The following GLIS3 variants were observed in gnomAD, a reference collection of about 807,000 sequenced individuals.
The protein encoded by GLIS3 is zinc finger protein GLIS3.
Under a neutral mutation model 78.6 loss-of-function variants are expected in GLIS3, and 53 were observed. That is an observed-to-expected ratio of 0.67 (90% CI 0.54 to 0.85). The LOEUF is 0.85. Among genes scored for constraint, GLIS3 ranks in the 40% least tolerant of loss-of-function variants. GLIS3 has a pLI of 0.00. For missense variants in GLIS3, 1,703 were observed against 1,231.1 expected, an observed-to-expected ratio of 1.38 and a Z score of -5.74; for synonymous variants, 684 against 509.9, an observed-to-expected ratio of 1.34 and a Z score of -4.60.
intron 9 of GLIS3, among the ~76,000 whole-genome samples, chr9:3,843,916 G>C (rs965202119): frequency 2.0e-5 from 3 of 152,142 alleles, no homozygotes; most frequent in Non-Finnish European, 4.4e-5. Context: ...AAAAAATACC[G>C]AAATGTTTTT....
At chr9:4,014,863 C>A (rs1297799686) in intron 4 of GLIS3, among the ~76,000 whole-genome samples, 2 of 152,178 alleles carry the variant, frequency 1.3e-5, no homozygotes, top group Non-Finnish European at 2.9e-5. Context: ...AGAGCTAGGA[C>A]AATTCAACCA....
At chr9:4,365,895 G>A in the GLIS3 span, among the ~76,000 whole-genome samples, 6 of 152,210 alleles carry the variant, frequency 3.9e-5, no homozygotes, top group Non-Finnish European at 5.9e-5. Context: ...AAGGAGCTAC[G>A]AGAATGTGAT....
intron 6 of GLIS3, among the ~76,000 whole-genome samples, chr9:3,913,128 A>G (rs1268196828): frequency 2.0e-5 from 3 of 152,192 alleles, no homozygotes; most frequent in Non-Finnish European, 4.4e-5. Context: ...GTTACAGCTT[A>G]GGAAGTGTGG....
chr9:4,425,153 G>C, the GLIS3 span, among the ~76,000 whole-genome samples: 1 of 152,144 alleles, frequency 6.6e-6, no homozygotes, highest in Non-Finnish European at 1.5e-5. Context: ...TCTGGAATCA[G>C]TTGCCAAAAC....
intron 4 of GLIS3, among the ~76,000 whole-genome samples, chr9:4,082,661 G>C (rs1178655576): frequency 6.6e-6 from 1 of 152,178 alleles, no homozygotes; most frequent in Non-Finnish European, 1.5e-5. Flanking sequence ...ACTTTGATCA[G>C]TGTCCCGGGA....
the GLIS3 span, among the ~76,000 whole-genome samples, chr9:4,394,245 A>G: frequency 6.6e-6 from 1 of 151,512 alleles, no homozygotes; most frequent in Non-Finnish European, 1.5e-5. Context: ...CATTGATTCA[A>G]TTTTTAAAAA....
intron 4 of GLIS3, among the ~76,000 whole-genome samples, chr9:3,996,825 A>G (rs1000626719): frequency 1.3e-5 from 2 of 152,222 alleles, no homozygotes; most frequent in Non-Finnish European, 2.9e-5. Flanking sequence ...TGTGTTAATA[A>G]TAATAGGAAT....
At chr9:4,375,418 A>C in the GLIS3 span, among the ~76,000 whole-genome samples, 2 of 152,356 alleles carry the variant, frequency 1.3e-5, no homozygotes, top group South Asian at 2.1e-4. Flanking sequence ...ATGAAGGATG[A>C]AAACAATTTG....
At chr9:3,896,517 C>T (rs1822840471) in intron 7 of GLIS3, among the ~76,000 whole-genome samples, 3 of 151,138 alleles carry the variant, frequency 2.0e-5, no homozygotes, top group African/African-American at 7.3e-5. Flanking sequence ...ATACAAAAAA[C>T]TACCCAGGTG....
chr9:4,236,224 G>GAAA, intron 2 of GLIS3, among the ~76,000 whole-genome samples: 1 of 133,354 alleles, frequency 7.5e-6, no homozygotes, highest in Non-Finnish European at 1.6e-5. Flanking sequence ...AAGAAAGAAA[G>GAAA]GAAAAAAAAG....
At chr9:3,848,298 C>G (rs1410032473) in intron 9 of GLIS3, among the ~76,000 whole-genome samples, 1 of 152,082 alleles carries the variant, frequency 6.6e-6, no homozygotes, top group African/African-American at 2.4e-5. Flanking sequence ...CTCGGGAGTT[C>G]AAGAGCAGCC....
chr9:4,367,708 C>A, the GLIS3 span, among the ~76,000 whole-genome samples: 16 of 149,464 alleles, frequency 1.1e-4, no homozygotes, highest in Non-Finnish European at 1.9e-4. Context: ...ACCTCCTTAT[C>A]CACACCTAAC....
intron 2 of GLIS3, among the ~76,000 whole-genome samples, chr9:4,335,588 G>C (rs1393090425): frequency 1.3e-5 from 2 of 152,186 alleles, no homozygotes; most frequent in Non-Finnish European, 2.9e-5. Flanking sequence ...CCCTGGGGAT[G>C]GCGTTAACCT....
the GLIS3 span, among the ~76,000 whole-genome samples, chr9:4,483,611 T>G: frequency 6.7e-6 from 1 of 150,198 alleles, no homozygotes; most frequent in Non-Finnish European, 1.5e-5. Context: ...TCCCAACTAC[T>G]CAAGAGGCTG....
the GLIS3 span, among the ~76,000 whole-genome samples, chr9:4,489,135 G>A: frequency 2.0e-5 from 3 of 152,144 alleles, no homozygotes; most frequent in Non-Finnish European, 4.4e-5. Flanking sequence ...CCAAAGTCCT[G>A]AGATTACAGG....
chr9:3,896,027 T>C (rs368838826), intron 7 of GLIS3, among the ~76,000 whole-genome samples: 33 of 152,374 alleles, frequency 2.2e-4, no homozygotes, highest in African/African-American at 7.0e-4. Context: ...CCAAGTACTT[T>C]TGCTATTTAG....
chr9:3,850,910 T>A (rs1042765020), intron 9 of GLIS3, among the ~76,000 whole-genome samples: 2 of 152,218 alleles, frequency 1.3e-5, no homozygotes, highest in Non-Finnish European at 2.9e-5. Flanking sequence ...TTCAAAACCC[T>A]CTTCAAGTAT....
chr9:4,297,066 A>G, intron 1 of GLIS3, among the ~76,000 whole-genome samples: 1 of 152,052 alleles, frequency 6.6e-6, no homozygotes, highest in Non-Finnish European at 1.5e-5. Flanking sequence ...AACTAGGAGG[A>G]GATAAAAGAG....
rs146594476 is a variant in GLIS3, at chr9:3,966,742, C to T, written c.1711-29553G>A. Among the ~76,000 whole-genome samples, 428 of 151,236 alleles carry T rather than the reference C, an allele frequency of 2.8e-3. 3 individuals carry two copies. The highest frequency in any genetic ancestry group is 9.5e-3 in the African/African-American group (392 of 41,246). ...CCCGGGAGGTGGTGTGAGCTGAGAT[C>T]GCGCCACTGCACTCCAGCCTGGGTG... On this transcript the variant is annotated intron_variant, in intron 4 of 10. Transcript: ENST00000381971.
Sources: allele counts gnomAD v4.1 joint callset (sites outside exome capture counted in the v4.1 genomes callset), GRCh38; gene constraint gnomAD v4.1.1; transcripts MANE v1.5; gene names NCBI Gene and HGNC (gene_info 2026-07-23, HGNC 2026-07-21).